TRIM67: variants seen among roughly 807,000 people sequenced by gnomAD.
TRIM67 encodes tripartite motif-containing protein 67.
TRIM67 carries 39 observed loss-of-function variants against 71.0 expected under a neutral mutation model. The observed-to-expected ratio is 0.55, with a 90% CI of 0.43 to 0.72. The LOEUF (loss-of-function observed/expected upper bound fraction) is 0.72. Among genes scored for constraint, TRIM67 ranks in the 30% least tolerant of loss-of-function variants. The probability of loss-of-function intolerance (pLI) is 0.00; values close to 1 mark genes in which losing one functional copy is unlikely to be tolerated. For missense variants in TRIM67, 973 were observed against 1,079.2 expected, an observed-to-expected ratio of 0.90 and a Z score of 1.38; for synonymous variants, 481 against 473.9, an observed-to-expected ratio of 1.01 and a Z score of -0.19.
intron 1 of TRIM67, among the ~76,000 whole-genome samples, chr1:231,171,459 T>C (rs1181845942): frequency 6.6e-6 from 1 of 152,214 alleles, no homozygotes; most frequent in Non-Finnish European, 1.5e-5. Context: ...AGTTGTTCTC[T>C]AAATCAGCAA....
intron 9 of TRIM67, 136 bp downstream of exon 9, chr1:231,214,113 C>A (rs1683946567): frequency 3.5e-6 from 4 of 1,133,944 alleles, no homozygotes; most frequent in South Asian, 1.7e-5. Flanking sequence ...TATCAACTGG[C>A]CTGCCTTGGA....
chr1:231,204,107 G>A (rs1401524392), intron 6 of TRIM67, 95 bp downstream of exon 6: 4 of 1,535,228 alleles, frequency 2.6e-6, no homozygotes, highest in Non-Finnish European at 3.5e-6. Context: ...AGCCCATGGG[G>A]ACATTGTGTT....
rs942705635 is a variant in TRIM67, at chr1:231,201,604, C to A, written c.1534+87C>A. 4.1e-6 allele frequency: 6 copies of A among 1,464,036 alleles called. No individual in the cohort carries two copies. The Admixed American group carries it at 8.2e-5, about 20-fold the overall frequency. 90.7% of individuals were successfully genotyped at this position (1,464,036 alleles called of 1,614,324 possible). A position where few individuals can be genotyped will look rare whatever the true frequency, so the allele number is the denominator to read the frequency against. On this transcript the variant is annotated intron_variant, in intron 5 of 9. Coordinates refer to ENST00000366653, the MANE Select transcript of TRIM67 (RefSeq NM_001004342.5). ...GGGCCAGCTCGGTGCCATAGGGAGA[C>A]CTGTGATGCACGGAGTGTGGCAGGG...
chr1:231,168,447 G>C (rs1682538158), intron 1 of TRIM67, among the ~76,000 whole-genome samples: 1 of 152,118 alleles, frequency 6.6e-6, no homozygotes, highest in Non-Finnish European at 1.5e-5. Flanking sequence ...TACATTTCTA[G>C]ATATGGAATT....
rs565683602 is a variant in TRIM67, at chr1:231,214,020, A to T, written c.2286+43A>T. On this transcript the variant is annotated intron_variant, in intron 9 of 9. Transcript: ENST00000366653. ...GCCGGACCTGGTCTGGCTGCTCCCA[A>T]CTGTTTGCCACAGGTCTCTGCAGTG... is the stretch of plus-strand genomic sequence containing the variant. The T allele has an allele frequency of 2.6e-6, 4 of 1,555,974 alleles. No homozygotes were observed. In the Admixed American group the frequency reaches 5.7e-5, roughly 22 times the overall value.
chr1:231,188,596 A>C (rs1683149772), intron 1 of TRIM67, among the ~76,000 whole-genome samples: 1 of 152,220 alleles, frequency 6.6e-6, no homozygotes, highest in Non-Finnish European at 1.5e-5. Context: ...TGCAAAGAGC[A>C]TCGACTTTGG....
chr1:231,187,664 G>A, intron 1 of TRIM67: 1 of 1,197,624 alleles, frequency 8.3e-7, no homozygotes, highest in Non-Finnish European at 1.2e-6. Flanking sequence ...TCTCCCAAGT[G>A]GGGCATCAAA....
rs184340414 is a variant in TRIM67, at chr1:231,188,533, G to A, written c.1045-8838G>A. On this transcript the variant is annotated intron_variant, in intron 1 of 9. Transcript: ENST00000366653. ...TCCGAGGGATTTTAATGGGAAATTAGGTTTTGTCCTCCTTCCACGTTGGTT... is the reference window on the plus strand; with the variant it reads ...TCCGAGGGATTTTAATGGGAAATTAAGTTTTGTCCTCCTTCCACGTTGGTT... 5.3e-5 allele frequency among the ~76,000 whole-genome samples: 8 copies of A among 152,300 alleles called. No individual in the cohort carries two copies. The East Asian group carries it at 1.4e-3, about 26-fold the overall frequency.
At chr1:231,183,502 A>G (rs1682965561) in intron 1 of TRIM67, among the ~76,000 whole-genome samples, 1 of 152,114 alleles carries the variant, frequency 6.6e-6, no homozygotes, top group African/African-American at 2.4e-5. Flanking sequence ...CATCCTAGTT[A>G]CTTGGGAGGC....
At chr1:231,164,239 C>T (rs547986810) in intron 1 of TRIM67, among the ~76,000 whole-genome samples, 4 of 152,206 alleles carry the variant, frequency 2.6e-5, no homozygotes, top group Non-Finnish European at 5.9e-5. Context: ...GGAAAGATGA[C>T]TTATTAGGTC....
chr1:231,164,362 G>T (rs927271839), intron 1 of TRIM67, among the ~76,000 whole-genome samples: 1 of 152,124 alleles, frequency 6.6e-6, no homozygotes, highest in Non-Finnish European at 1.5e-5. Flanking sequence ...GGTCCCTTTT[G>T]AGTTAAGGCA....
chr1:231,175,203 G>A (rs1456719486), intron 1 of TRIM67, among the ~76,000 whole-genome samples: 4 of 152,214 alleles, frequency 2.6e-5, no homozygotes, highest in Non-Finnish European at 4.4e-5. Context: ...TTCCTTCACT[G>A]AACTATCTGC....
At chr1:231,191,845 T>C (rs998911841) in intron 1 of TRIM67, among the ~76,000 whole-genome samples, 3 of 152,072 alleles carry the variant, frequency 2.0e-5, no homozygotes, top group African/African-American at 7.2e-5. Context: ...CAGACAAAAA[T>C]CTAGAGCAAA....
At chr1:231,178,829 G>A (rs12049333) in intron 1 of TRIM67, among the ~76,000 whole-genome samples, 19,723 of 152,216 alleles carry the variant, frequency 0.13, 1,674 homozygotes, top group East Asian at 0.24. Flanking sequence ...ATGCTGGTGT[G>A]AGGATGAAGT....
rs906489192 is a variant in TRIM67, at chr1:231,163,376, G to A, written c.407G>A (p.Gly136Asp). 9.8e-6 allele frequency: 15 copies of A among 1,535,596 alleles called. No individual in the cohort carries two copies. In the Admixed American group the frequency reaches 1.6e-4, roughly 16 times the overall value. ...RVLPMVPAPP[G>D]SSAAAARGAA... ...CTGCCCATGGTGCCCGCACCACCCG[G>A]CTCCTCGGCTGCGGCGGCTCGGGGT... The change falls in exon 1 of 10, where the codon GGC becomes GAC. Residue 136 changes from glycine to aspartate, a missense_variant. Transcript: ENST00000366653.
chr1:231,185,449 G>C (rs2102732302), intron 1 of TRIM67, among the ~76,000 whole-genome samples: 1 of 151,524 alleles, frequency 6.6e-6, no homozygotes. Flanking sequence ...CTGTGTTCCA[G>C]CCCCCAGTGC....
chr1:231,173,025 A>G (rs1682654606), intron 1 of TRIM67, among the ~76,000 whole-genome samples: 1 of 152,170 alleles, frequency 6.6e-6, no homozygotes, highest in South Asian at 2.1e-4. Flanking sequence ...GCTAATGATT[A>G]TTTCTCTTTC....
At chr1:231,200,666 G>A (rs1683495037) in intron 4 of TRIM67, among the ~76,000 whole-genome samples, 1 of 152,152 alleles carries the variant, frequency 6.6e-6, no homozygotes, top group Non-Finnish European at 1.5e-5. Context: ...ATTTTCTCGG[G>A]GCCATCTCTC....
At position 231,209,926 on chromosome 1, in the gene TRIM67, C is replaced by T. The variant is rs1486773759; in HGVS notation, c.2123+676C>T. Among the ~76,000 whole-genome samples, 2 of 152,134 alleles carry T rather than the reference C, an allele frequency of 1.3e-5. No individual in the cohort carries two copies. The highest frequency in any genetic ancestry group is 6.5e-5 in the Admixed American group (1 of 15,282). ...AGGAGGGCAGATGGGGATGGGTCCT[C>T]CAGGGCTGCCCCTGAGGCCTGGGCT... On this transcript the variant is annotated intron_variant, in intron 8 of 9. Transcript: ENST00000366653. This position sits in a 1 kb window ranked among gnomAD's most constrained non-coding sequence, Gnocchi z 4.1.
Sources: gnomAD v4.1 joint callset for allele counts (sites outside exome capture counted in the v4.1 genomes callset) on GRCh38, gnomAD v4.1.1 for gene constraint, Gnocchi (gnomAD v3.1) non-coding constraint, MANE v1.5 for transcripts, NCBI Gene and HGNC (gene_info 2026-07-23, HGNC 2026-07-21) for gene names.